GALM: variants seen among roughly 807,000 people sequenced by gnomAD.
GALM encodes the protein aldose 1-epimerase.
In GALM, 43 loss-of-function variants were observed where a neutral mutation model predicts 37.4. The observed-to-expected ratio is 1.15, with a 90% CI of 0.90 to 1.48. The LOEUF is 1.48. GALM is among the 40% of genes most tolerant of loss of function. GALM has a pLI of 0.00. For synonymous variants in GALM, 199 were observed against 170.6 expected (o/e 1.17, Z -1.30); for missense variants, 456 against 419.1 (o/e 1.09, Z -0.77).
chr2:38,698,561 C>G, intron 4 of GALM: 1 of 390,654 alleles, frequency 2.6e-6, no homozygotes, highest in Non-Finnish European at 4.7e-6. Context: ...ATTTGCTGCT[C>G]CATAGGATGG....
At position 38,684,310 on chromosome 2, in the gene GALM, GTTTTAT is replaced by G. The variant is rs533310549; in HGVS notation, c.552+2828_552+2833del. ...GTATGTAGGTTGCAGGTCGTTTTTTGTTTTATTTTATTTTTCTGTTCCTTCCTGTGC... is the reference window on the plus strand; with the variant it reads ...GTATGTAGGTTGCAGGTCGTTTTTTGTTTATTTTTCTGTTCCTTCCTGTGC... On this transcript the variant is annotated intron_variant, in intron 3 of 6. Transcript: ENST00000272252. Among the ~76,000 whole-genome samples, 53 of 150,298 alleles carry G rather than the reference GTTTTAT, an allele frequency of 3.5e-4. No homozygotes were observed. The South Asian group carries it at 0.012, about 33-fold the overall frequency.
intron 4 of GALM, among the ~76,000 whole-genome samples, chr2:38,723,579 A>G (rs1320636606): frequency 1.3e-5 from 2 of 152,168 alleles, no homozygotes; most frequent in Non-Finnish European, 2.9e-5. Context: ...ACTTGAAGCC[A>G]GGAGTTCAAG....
chr2:38,689,909 C>T lies in GALM; in HGVS notation c.634+15C>T. 6.6e-7 allele frequency: 1 copy of T among 1,525,586 alleles called. No homozygotes were observed. The highest frequency in any genetic ancestry group is 9.1e-7 in the Non-Finnish European group (1 of 1,104,728). The allele number at this position is 1,525,586 out of a possible 1,614,324, so 94.5% of individuals were successfully genotyped here. ...GATTCCTACAGGTTGGTGAATTTAACCTTTTTGTGTTATGTGGGATCATGG... is the reference window on the plus strand; with the variant it reads ...GATTCCTACAGGTTGGTGAATTTAATCTTTTTGTGTTATGTGGGATCATGG... On this transcript the variant is annotated intron_variant, in intron 4 of 6. Transcript: ENST00000272252.
At chr2:38,670,720 T>C (rs753306699) in intron 1 of GALM, among the ~76,000 whole-genome samples, 1 of 152,202 alleles carries the variant, frequency 6.6e-6, no homozygotes, top group Non-Finnish European at 1.5e-5. Context: ...TGCCCCCAAA[T>C]ACCATCTCTG....
At chr2:38,671,257 G>A (rs967621588) in intron 1 of GALM, 48 of 152,146 alleles carry the variant, frequency 3.2e-4, no homozygotes, top group Admixed American at 2.9e-3. Context: ...TTGTAATTCC[G>A]ATTTGATGTG....
At chr2:38,724,608 A>G (rs1381455728) in intron 4 of GALM, among the ~76,000 whole-genome samples, 1 of 152,158 alleles carries the variant, frequency 6.6e-6, no homozygotes, top group African/African-American at 2.4e-5. Context: ...GACAAGATAG[A>G]TTGGAGCCTT....
intron 4 of GALM, among the ~76,000 whole-genome samples, chr2:38,724,978 T>C (rs970894483): frequency 6.6e-6 from 1 of 152,220 alleles, no homozygotes; most frequent in Admixed American, 6.5e-5. Flanking sequence ...TGTAGCTTTC[T>C]TTGTTTCTTC....
At chr2:38,718,115 G>A (rs1398374825) in intron 4 of GALM, among the ~76,000 whole-genome samples, 2 of 151,574 alleles carry the variant, frequency 1.3e-5, no homozygotes, top group Non-Finnish European at 2.9e-5. Context: ...GAGATTACAG[G>A]TGTGAGCCAC....
chr2:38,669,138 C>T (rs1189710491), intron 1 of GALM: 1 of 152,144 alleles, frequency 6.6e-6, no homozygotes, highest in Non-Finnish European at 1.5e-5. Context: ...TTGCCTTATG[C>T]CCAATTTCTG....
At chr2:38,675,540 TTTTTGTGTGTGTGTG>T (rs1256831980) in intron 1 of GALM, among the ~76,000 whole-genome samples, 4 of 93,170 alleles carry the variant, frequency 4.3e-5, no homozygotes, top group African/African-American at 2.0e-4. Context: ...TTTTTTTTTT[TTTTTGTGTGTGTGTG>T]TGTGTGTGTG....
intron 4 of GALM, among the ~76,000 whole-genome samples, chr2:38,723,536 C>T (rs568059087): frequency 1.1e-4 from 16 of 152,274 alleles, no homozygotes; most frequent in Admixed American, 2.6e-4. Flanking sequence ...CGCCTGTAAT[C>T]GTAGCACTTT....
At chr2:38,725,537 TA>T (rs1248064012) in intron 4 of GALM, among the ~76,000 whole-genome samples, 2 of 136,552 alleles carry the variant, frequency 1.5e-5, no homozygotes, top group African/African-American at 5.6e-5. Flanking sequence ...CCCTCGCTCT[TA>T]AACACACACA....
intron 4 of GALM, among the ~76,000 whole-genome samples, chr2:38,717,147 G>C (rs1666284278): frequency 6.6e-6 from 1 of 152,034 alleles, no homozygotes; most frequent in Non-Finnish European, 1.5e-5. Context: ...CTACTCGGTA[G>C]GCCGAGGCAG....
intron 4 of GALM, among the ~76,000 whole-genome samples, chr2:38,717,122 T>G (rs556816311): frequency 1.3e-3 from 193 of 152,060 alleles, no homozygotes; most frequent in African/African-American, 4.3e-3. Context: ...TGGGAGCACA[T>G]GCCTGTAGTC....
intron 4 of GALM, among the ~76,000 whole-genome samples, chr2:38,703,054 T>C (rs1439248940): frequency 7.2e-5 from 1 of 13,944 alleles, no homozygotes; most frequent in African/African-American, 2.0e-4. Context: ...ATGTGGGATT[T>C]TATATATATA....
At chr2:38,680,629 A>C (rs1249254129) in intron 2 of GALM, among the ~76,000 whole-genome samples, 1 of 152,100 alleles carries the variant, frequency 6.6e-6, no homozygotes, top group Non-Finnish European at 1.5e-5. Flanking sequence ...CCCCTAGGAG[A>C]CAGGGGCTGA....
chr2:38,725,354 G>A (rs1190605844), intron 4 of GALM, among the ~76,000 whole-genome samples: 2 of 151,926 alleles, frequency 1.3e-5, no homozygotes, highest in Non-Finnish European at 2.9e-5. Context: ...GCGCAACAAA[G>A]TGAGACCCCC....
chr2:38,731,608 C>CT (rs1666611420), intron 5 of GALM, 127 bp from the exon 6 acceptor site: 5 of 709,710 alleles, frequency 7.0e-6, no homozygotes, highest in Non-Finnish European at 1.2e-5. Flanking sequence ...CTACCTTCAT[C>CT]TCCTCCTTAT....
intron 4 of GALM, among the ~76,000 whole-genome samples, chr2:38,695,040 T>C (rs1665773571): frequency 6.6e-6 from 1 of 152,188 alleles, no homozygotes; most frequent in Non-Finnish European, 1.5e-5. Flanking sequence ...AATCTTGTTA[T>C]GAACAAGTTG....
Sources: allele counts gnomAD v4.1 joint callset (sites outside exome capture counted in the v4.1 genomes callset), GRCh38; gene constraint gnomAD v4.1.1; transcripts MANE v1.5; gene names NCBI Gene and HGNC (gene_info 2026-07-23, HGNC 2026-07-21).